CNTNAP4: variants seen among roughly 807,000 people sequenced by gnomAD.
CNTNAP4 encodes contactin associated protein family member 4, also known as contactin-associated protein-like 4.
A neutral mutation model predicts 148.4 loss-of-function variants in CNTNAP4; 98 were observed. The observed-to-expected ratio is 0.66, with a 90% CI of 0.56 to 0.78. CNTNAP4 has a LOEUF of 0.78. CNTNAP4 is among the 30% of genes least tolerant of loss of function. The pLI is 0.00. For synonymous variants in CNTNAP4, 730 were observed against 565.1 expected, an observed-to-expected ratio of 1.29 and a Z score of -4.14; for missense variants, 1,935 against 1,565.6, an observed-to-expected ratio of 1.24 and a Z score of -3.98.
chr16:76,325,285 G>A (rs1346273719), intron 2 of CNTNAP4, among the ~76,000 whole-genome samples: 1 of 152,106 alleles, frequency 6.6e-6, no homozygotes, highest in African/African-American at 2.4e-5. Flanking sequence ...TTTATATACT[G>A]TGTGTAATGT....
At chr16:76,413,563 T>A (rs1474040116) in intron 3 of CNTNAP4, among the ~76,000 whole-genome samples, 5 of 146,242 alleles carry the variant, frequency 3.4e-5, no homozygotes, top group Admixed American at 2.7e-4. Context: ...TAATATCCAG[T>A]AAAAAAAAAA....
intron 10 of CNTNAP4, 105 bp from the exon 11 acceptor site, chr16:76,475,834 T>C: frequency 1.4e-6 from 1 of 696,968 alleles, no homozygotes; most frequent in Non-Finnish European, 2.5e-6. Flanking sequence ...CATTAGTCAT[T>C]ATGTTATAGT....
intron 3 of CNTNAP4, among the ~76,000 whole-genome samples, chr16:76,415,903 A>C (rs578241564): frequency 7.0e-6 from 1 of 143,316 alleles, no homozygotes; most frequent in Non-Finnish European, 1.5e-5. Context: ...TTATTGAGTA[A>C]TTTCCCATTG....
intron 17 of CNTNAP4, among the ~76,000 whole-genome samples, chr16:76,529,195 G>T (rs1009004075): frequency 6.6e-6 from 1 of 152,032 alleles, no homozygotes; most frequent in Non-Finnish European, 1.5e-5. Context: ...TTTGTTCTTA[G>T]TTGTGACATT....
chr16:76,498,155 C>G (rs2082469658), intron 14 of CNTNAP4, among the ~76,000 whole-genome samples: 1 of 152,184 alleles, frequency 6.6e-6, no homozygotes, highest in Non-Finnish European at 1.5e-5. Context: ...CTTCGGGAGG[C>G]TGAGGCAAGT....
intron 2 of CNTNAP4, among the ~76,000 whole-genome samples, chr16:76,347,911 A>T (rs1442629871): frequency 6.6e-6 from 1 of 152,178 alleles, no homozygotes; most frequent in Non-Finnish European, 1.5e-5. Context: ...TTCACTCTGT[A>T]GAGTTGAGAG....
At chr16:76,319,612 T>TGG (rs1313703332) in intron 2 of CNTNAP4, among the ~76,000 whole-genome samples, 1 of 151,262 alleles carries the variant, frequency 6.6e-6, no homozygotes, top group Non-Finnish European at 1.5e-5. Context: ...GATTAAGGGG[T>TGG]GGGGGGCTAA....
chr16:76,538,492 A>C (rs2084316087), intron 19 of CNTNAP4, 152 bp downstream of exon 19: 4 of 555,152 alleles, frequency 7.2e-6, no homozygotes, highest in Admixed American at 3.8e-5. Flanking sequence ...ACTATCCTAT[A>C]AGTATAATCT....
chr16:76,383,752 G>A (rs552114185), intron 3 of CNTNAP4, among the ~76,000 whole-genome samples: 7 of 152,036 alleles, frequency 4.6e-5, no homozygotes, highest in South Asian at 2.1e-4. Context: ...AGATATTTAC[G>A]CATGAAATAA....
rs926708076 is a variant in CNTNAP4 at position 76,504,351 on chromosome 16, G to A, written c.2365+5657G>A. 6.0e-4 allele frequency among the ~76,000 whole-genome samples: 91 copies of A among 151,730 alleles called. 1 individual carries two copies. The highest frequency in any genetic ancestry group is 2.1e-3 in the African/African-American group (87 of 41,394). On this transcript the variant is annotated intron_variant, in intron 15 of 23. Transcript: ENST00000611870. The stretch of plus-strand genomic sequence containing the variant: ...TACCAGGGGAACTCAATGATGAAAG[G>A]ATAGAATTTTTCAAGAAACAGATCT...
At chr16:76,476,954 A>G (rs1204728175) in intron 11 of CNTNAP4, among the ~76,000 whole-genome samples, 2 of 152,040 alleles carry the variant, frequency 1.3e-5, no homozygotes, top group African/African-American at 2.4e-5. Flanking sequence ...GATGGTAGAT[A>G]AATAGTTAAT....
chr16:76,495,109 A>G lies in CNTNAP4; in HGVS notation c.2237+43A>G, dbSNP rs371945755. On this transcript the variant is annotated intron_variant, in intron 14 of 23. Coordinates refer to ENST00000611870, the MANE Select transcript of CNTNAP4 (RefSeq NM_033401.5). The stretch of plus-strand genomic sequence containing the variant: ...TCTTTATGCAAGAAAAAGTTCATTT[A>G]AAAAAATTAATCACTCAAAGTATGT... 3.0e-5 allele frequency: 48 copies of G among 1,600,780 alleles called. No individual in the cohort carries two copies. The African/African-American group carries it at 6.0e-4, about 20-fold the overall frequency.
intron 12 of CNTNAP4, among the ~76,000 whole-genome samples, chr16:76,489,443 A>T (rs1256904048): frequency 1.3e-5 from 2 of 152,194 alleles, no homozygotes; most frequent in African/African-American, 4.8e-5. Context: ...GCTAAATTAT[A>T]TGAAAATGTT....
chr16:76,369,502 C>G (rs2014551436), intron 3 of CNTNAP4, among the ~76,000 whole-genome samples: 1 of 152,118 alleles, frequency 6.6e-6, no homozygotes, highest in Admixed American at 6.5e-5. Flanking sequence ...GACCCAAGGA[C>G]CAGAAGCTCA....
At chr16:76,319,823 T>TGA (rs1013937213) in intron 2 of CNTNAP4, among the ~76,000 whole-genome samples, 13 of 152,186 alleles carry the variant, frequency 8.5e-5, no homozygotes, top group African/African-American at 2.7e-4. Flanking sequence ...AGAGGGAGTA[T>TGA]GGCCCTGCCT....
At chr16:76,357,939 A>G (rs1296890093) in intron 3 of CNTNAP4, among the ~76,000 whole-genome samples, 1 of 152,198 alleles carries the variant, frequency 6.6e-6, no homozygotes, top group Admixed American at 6.5e-5. Flanking sequence ...CTGCTTAAAT[A>G]GGTGAAAGGA....
intron 2 of CNTNAP4, among the ~76,000 whole-genome samples, chr16:76,322,297 C>T (rs1472323841): frequency 1.3e-5 from 2 of 152,110 alleles, no homozygotes; most frequent in East Asian, 3.9e-4. Context: ...AGGTGTACAG[C>T]TCTTGATATT....
chr16:76,386,664 T>C (rs904535009), intron 3 of CNTNAP4, among the ~76,000 whole-genome samples: 1 of 152,190 alleles, frequency 6.6e-6, no homozygotes, highest in African/African-American at 2.4e-5. Context: ...CAGTAATATA[T>C]ATCCCACCAT....
chr16:76,464,417 G>A (rs1386355042), intron 9 of CNTNAP4, among the ~76,000 whole-genome samples: 2 of 152,066 alleles, frequency 1.3e-5, no homozygotes, highest in African/African-American at 4.8e-5. Context: ...CCTTCATCCT[G>A]GGAACAACCT....
Sources: gnomAD v4.1 joint callset for allele counts (sites outside exome capture counted in the v4.1 genomes callset) on GRCh38, gnomAD v4.1.1 for gene constraint, MANE v1.5 for transcripts, NCBI Gene and HGNC (gene_info 2026-07-23, HGNC 2026-07-21) for gene names.